The following PCSK6 variants were observed in gnomAD, a reference collection of about 807,000 sequenced individuals.
The protein encoded by PCSK6 is proprotein convertase subtilisin/kexin type 6, also known as paired basic amino acid cleaving enzyme 4.
PCSK6 carries 85 observed loss-of-function variants against 123.3 expected under a neutral mutation model. The observed-to-expected ratio is 0.69, with a 90% confidence interval of 0.58 to 0.83. The LOEUF (loss-of-function observed/expected upper bound fraction) is 0.83. PCSK6 is among the 40% of genes least tolerant of loss of function. PCSK6 has a pLI of 0.00. For synonymous variants in PCSK6, 508 were observed against 516.0 expected (o/e 0.98, Z 0.21); for missense variants, 1,191 against 1,282.3 (o/e 0.93, Z 1.09).
At chr15:101,370,896 C>T (rs2041565433) in intron 11 of PCSK6, among the ~76,000 whole-genome samples, 1 of 152,202 alleles carries the variant, frequency 6.6e-6, no homozygotes, top group African/African-American at 2.4e-5. Flanking sequence ...ACAGCACAGG[C>T]CCCATTCCTC....
rs564960844 is a variant in PCSK6 at position 101,310,265 on chromosome 15, C to T, written c.2700-2940G>A. On this transcript the variant is annotated intron_variant, in intron 20 of 21. Transcript: ENST00000611716. ...CTCTGCAGGGCCGAAAGCTGCCCCT[C>T]ACCTGGGAACAAGTACCCAGGAAAC... 7.9e-4 allele frequency among the ~76,000 whole-genome samples: 121 copies of T among 152,366 alleles called. 1 individual carries two copies. Among genetic ancestry groups the T allele is most frequent in the African/African-American group, 2.8e-3 (118 of 41,586 alleles).
intron 3 of PCSK6, 183 bp from the exon 4 acceptor site, chr15:101,431,646 C>T: frequency 1.3e-6 from 1 of 760,648 alleles, no homozygotes; most frequent in Non-Finnish European, 2.2e-6. Context: ...GCAGACGGCT[C>T]CCTTGCTTTT....
At chr15:101,354,346 C>T (rs893929491) in intron 13 of PCSK6, among the ~76,000 whole-genome samples, 4 of 152,236 alleles carry the variant, frequency 2.6e-5, no homozygotes, top group Non-Finnish European at 2.9e-5. Context: ...CTCCCTCACA[C>T]ATGCACACAT....
Position 101,398,850 on chromosome 15 carries a change from C to A in PCSK6, c.824-274G>T, listed in dbSNP as rs566851442. Among the ~76,000 whole-genome samples the A allele has an allele frequency of 6.6e-6, 1 of 152,210 alleles. No individual in the cohort carries two copies. The highest frequency in any genetic ancestry group is 1.9e-4 in the East Asian group (1 of 5,176). On this transcript the variant is annotated intron_variant, in intron 6 of 21. Transcript: ENST00000611716. The surrounding 1 kb of genome is among the most constrained non-coding windows in gnomAD (Gnocchi z 4.6). Reference sequence around the variant, plus strand: ...GATGTCCTGCTGGTATCTAAAAATGCATATTTCTGTTTTTTATTTTAAAAA... The same window carrying A: ...GATGTCCTGCTGGTATCTAAAAATGAATATTTCTGTTTTTTATTTTAAAAA...
chr15:101,367,101 T>G (rs2041421039), intron 12 of PCSK6, among the ~76,000 whole-genome samples: 1 of 152,180 alleles, frequency 6.6e-6, no homozygotes, highest in Non-Finnish European at 1.5e-5. Flanking sequence ...CAAGTCCTGA[T>G]GAGCCTCCCT....
At chr15:101,412,901 T>C (rs1047906058) in intron 6 of PCSK6, among the ~76,000 whole-genome samples, 5 of 151,354 alleles carry the variant, frequency 3.3e-5, no homozygotes, top group Non-Finnish European at 7.4e-5. Flanking sequence ...GGCCGGAGGA[T>C]TGCTTGTGCC....
At chr15:101,312,980 G>A in intron 20 of PCSK6, 6 of 1,124,614 alleles carry the variant, frequency 5.3e-6, no homozygotes, top group Non-Finnish European at 6.7e-6. Context: ...ACTCCAGCCT[G>A]GGCGACAGAG....
At position 101,324,913 on chromosome 15, in the gene PCSK6, A is replaced by G. The variant is rs576342467; in HGVS notation, c.2314T>C (p.Tyr772His). Reference protein sequence around the residue: ...TQCLSCRRGFYHHQEMNTCVT... With the variant: ...TQCLSCRRGFHHHQEMNTCVT... ...CAGGTGTTCATCTCCTGGTGGTGAT[A>G]GAACCCGCGGCGGCAAGACAGGCAC... Residue 772 changes from tyrosine to histidine, a missense_variant, in exon 17 of 22, where the codon TAT (tyrosine) becomes CAT (histidine). This residue lies in a region of PCSK6 where 630 missense variants were observed against 631.4 expected (regional missense o/e 1.00). Transcript: ENST00000611716. 2.4e-5 allele frequency: 38 copies of G among 1,613,510 alleles called. No homozygotes were observed. Among genetic ancestry groups the G allele is most frequent in the Admixed American group, 8.3e-5 (5 of 60,010 alleles).
rs115220192 is a variant in PCSK6, at chr15:101,451,474, G to T, written c.298-7814C>A. 2.6e-5 allele frequency among the ~76,000 whole-genome samples: 4 copies of T among 152,172 alleles called. No individual in the cohort carries two copies. In the East Asian group the frequency reaches 7.7e-4, roughly 29 times the overall value. The stretch of plus-strand genomic sequence containing the variant: ...CCAGCCCAGCCAAACCCTTCCACAC[G>T]GGAACAGCTGATAAGCAGCCACAGA... On this transcript the variant is annotated intron_variant, in intron 1 of 21. Transcript: ENST00000611716.
At chr15:101,467,143 C>G (rs2057481421) in intron 1 of PCSK6, among the ~76,000 whole-genome samples, 1 of 152,160 alleles carries the variant, frequency 6.6e-6, no homozygotes, top group Non-Finnish European at 1.5e-5. Context: ...GTTTCCCACT[C>G]CTGTTAACTG....
chr15:101,342,568 C>T (rs542967313), intron 13 of PCSK6, among the ~76,000 whole-genome samples: 1 of 152,330 alleles, frequency 6.6e-6, no homozygotes, highest in Non-Finnish European at 1.5e-5. Context: ...GCTGAAAATT[C>T]TCCATTCTCA....
chr15:101,348,363 T>C (rs747627629), intron 13 of PCSK6, among the ~76,000 whole-genome samples: 14 of 152,234 alleles, frequency 9.2e-5, no homozygotes, highest in Non-Finnish European at 1.8e-4. Flanking sequence ...GTGGGGCCAG[T>C]GTGACATTTG....
chr15:101,356,356 T>C (rs1441116802), intron 13 of PCSK6, among the ~76,000 whole-genome samples: 2 of 151,934 alleles, frequency 1.3e-5, no homozygotes, highest in Non-Finnish European at 2.9e-5. Context: ...TGGAGCTAAG[T>C]AGAGTTCAAT....
intron 6 of PCSK6, among the ~76,000 whole-genome samples, chr15:101,403,793 C>T (rs1193915458): frequency 6.6e-6 from 1 of 152,162 alleles, no homozygotes; most frequent in African/African-American, 2.4e-5. Flanking sequence ...CATTTCGGCT[C>T]ACTGCAACCT....
At chr15:101,346,786 C>A (rs1253377028) in intron 13 of PCSK6, 1 of 1,230,956 alleles carries the variant, frequency 8.1e-7, no homozygotes, top group East Asian at 3.2e-5. Context: ...TGAGGTGAGA[C>A]AAAGGTCATC....
intron 6 of PCSK6, among the ~76,000 whole-genome samples, chr15:101,410,392 T>TAG (rs1380076929): frequency 2.6e-5 from 4 of 151,680 alleles, no homozygotes; most frequent in Non-Finnish European, 4.4e-5. Flanking sequence ...GAAGGAGCAT[T>TAG]AGAGAGAGAG....
At chr15:101,313,124 A>C (rs2039906596) in intron 20 of PCSK6, 1 of 1,440,000 alleles carries the variant, frequency 6.9e-7, no homozygotes, top group Admixed American at 2.3e-5. Flanking sequence ...GGGTGTGAGC[A>C]CCTTGCTATT....
At chr15:101,384,181 C>T (rs903379420) in intron 10 of PCSK6, 141 bp downstream of exon 10, 1 of 1,456,764 alleles carries the variant, frequency 6.9e-7, no homozygotes. Flanking sequence ...TAAATAGCTG[C>T]ACATGCGTTT....
chr15:101,361,443 A>G (rs1052124384), intron 13 of PCSK6, among the ~76,000 whole-genome samples: 1 of 141,010 alleles, frequency 7.1e-6, no homozygotes, highest in African/African-American at 2.7e-5. Context: ...TGGGTAGGAC[A>G]TCCACCACAG....
Sources: allele counts gnomAD v4.1 joint callset (sites outside exome capture counted in the v4.1 genomes callset), GRCh38; gene constraint gnomAD v4.1.1; regional missense constraint gnomAD v4.1.1; non-coding constraint Gnocchi (gnomAD v3.1); transcripts MANE v1.5; gene names NCBI Gene and HGNC (gene_info 2026-07-23, HGNC 2026-07-21).